The following FAM81B variants were observed in gnomAD, a reference collection of about 807,000 sequenced individuals.
FAM81B encodes the protein protein FAM81B.
Under a neutral mutation model 58.7 loss-of-function variants are expected in FAM81B, and 60 were observed. The ratio of observed to expected loss-of-function variants is 1.02; its 90% CI spans 0.83 to 1.27. The LOEUF is 1.27. Ranked by LOEUF, FAM81B falls within the 50% of genes most tolerant of loss-of-function variation. FAM81B has a pLI of 0.00. For missense variants in FAM81B, 491 were observed against 522.0 expected, an observed-to-expected ratio of 0.94 and a Z score of 0.58; for synonymous variants, 189 against 179.6, an observed-to-expected ratio of 1.05 and a Z score of -0.42.
intron 4 of FAM81B, among the ~76,000 whole-genome samples, chr5:95,414,685 G>A (rs1762492195): frequency 6.6e-6 from 1 of 152,116 alleles, no homozygotes; most frequent in Admixed American, 6.5e-5. Context: ...TGGGGTCTTT[G>A]CACTCATAAT....
chr5:95,408,111 A>T (rs1762312521), intron 3 of FAM81B, among the ~76,000 whole-genome samples: 1 of 142,636 alleles, frequency 7.0e-6, no homozygotes, highest in South Asian at 2.3e-4. Context: ...AGAGAGAGAG[A>T]GGAGGGAAGG....
intron 7 of FAM81B, chr5:95,440,097 A>G (rs1033173976): frequency 1.1e-5 from 6 of 531,054 alleles, no homozygotes; most frequent in Non-Finnish European, 2.2e-5. Context: ...ACAAGATTGA[A>G]GACAGCTAAT....
At chr5:95,430,009 T>A (rs1744805875) in intron 6 of FAM81B, among the ~76,000 whole-genome samples, 1 of 152,168 alleles carries the variant, frequency 6.6e-6, no homozygotes, top group South Asian at 2.1e-4. Context: ...TTCTTTGGCC[T>A]TCTAATGTGT....
At chr5:95,416,769 A>T (rs1391013972) in intron 4 of FAM81B, among the ~76,000 whole-genome samples, 1 of 152,172 alleles carries the variant, frequency 6.6e-6, no homozygotes, top group East Asian at 1.9e-4. Flanking sequence ...TGATTTGCTT[A>T]ATTATTGTCC....
At chr5:95,449,133 A>G (rs1483001865) in intron 9 of FAM81B, among the ~76,000 whole-genome samples, 3 of 152,192 alleles carry the variant, frequency 2.0e-5, no homozygotes, top group Non-Finnish European at 4.4e-5. Context: ...GAAAGTCCCA[A>G]GTAATTTTTT....
chr5:95,394,792 A>G (rs553919330), intron 2 of FAM81B, among the ~76,000 whole-genome samples: 1 of 152,276 alleles, frequency 6.6e-6, no homozygotes, highest in Admixed American at 6.5e-5. Flanking sequence ...GGGTCAGGAG[A>G]GACTTTGTCA....
chr5:95,400,263 TG>T (rs1480290051), intron 3 of FAM81B, among the ~76,000 whole-genome samples: 5 of 152,184 alleles, frequency 3.3e-5, no homozygotes, highest in African/African-American at 1.2e-4. Flanking sequence ...AAGGGGAACC[TG>T]TTCCTTGTCT....
intron 6 of FAM81B, 90 bp from the exon 7 acceptor site, chr5:95,436,710 T>G: frequency 1.2e-6 from 1 of 850,672 alleles, no homozygotes; most frequent in African/African-American, 1.7e-5. Context: ...TATATTAATC[T>G]GTTTCCCGGC....
chr5:95,431,391 G>T (rs1744884055), intron 6 of FAM81B, among the ~76,000 whole-genome samples: 1 of 151,878 alleles, frequency 6.6e-6, no homozygotes, highest in Admixed American at 6.6e-5. Flanking sequence ...TTTTATATCT[G>T]GTAGGGCTAG....
intron 4 of FAM81B, among the ~76,000 whole-genome samples, chr5:95,419,179 A>G (rs1186552869): frequency 5.3e-5 from 8 of 152,198 alleles, no homozygotes; most frequent in East Asian, 3.8e-4. Flanking sequence ...TACATCTTCA[A>G]TTAAGGCTTC....
At chr5:95,423,547 TAAA>T (rs70978187) in intron 5 of FAM81B, among the ~76,000 whole-genome samples, 41 of 123,466 alleles carry the variant, frequency 3.3e-4, no homozygotes, top group Non-Finnish European at 4.4e-4. Flanking sequence ...TGCATGTGGG[TAAA>T]AAAAAAAAAA....
chr5:95,430,383 GTA>G lies in FAM81B; in HGVS notation c.786+1662_786+1663del, dbSNP rs34262078. Among the ~76,000 whole-genome samples, 5 of 147,530 alleles carry G rather than the reference GTA, an allele frequency of 3.4e-5. No homozygotes were observed. The South Asian group carries it at 6.3e-4, about 19-fold the overall frequency. On this transcript the variant is annotated intron_variant, in intron 6 of 9. Coordinates refer to ENST00000283357, the MANE Select transcript of FAM81B (RefSeq NM_152548.3). ...TCCCCCTTTATTGCACAAAAATAGTGTATATATATATAGTATATGTAAATAAA... is the reference window on the plus strand; with the variant it reads ...TCCCCCTTTATTGCACAAAAATAGTGTATATATATAGTATATGTAAATAAA...
At chr5:95,442,478 C>T (rs1255418407) in intron 7 of FAM81B, among the ~76,000 whole-genome samples, 1 of 152,098 alleles carries the variant, frequency 6.6e-6, no homozygotes, top group Admixed American at 6.5e-5. Context: ...GATTAATTTG[C>T]CCAAAATCAC....
At chr5:95,437,377 G>A (rs969992596) in intron 7 of FAM81B, among the ~76,000 whole-genome samples, 11 of 151,876 alleles carry the variant, frequency 7.2e-5, no homozygotes, top group African/African-American at 1.2e-4. Flanking sequence ...ACGGAGTCTC[G>A]CTCTGTCGCC....
At chr5:95,435,666 A>C (rs1745071234) in intron 6 of FAM81B, among the ~76,000 whole-genome samples, 1 of 152,164 alleles carries the variant, frequency 6.6e-6, no homozygotes, top group South Asian at 2.1e-4. Context: ...AAATATTCAC[A>C]GCTCTCTACT....
At chr5:95,422,640 G>T (rs151108883) in intron 5 of FAM81B, among the ~76,000 whole-genome samples, 28 of 152,294 alleles carry the variant, frequency 1.8e-4, no homozygotes, top group Admixed American at 1.8e-3. Flanking sequence ...ACGCCACCAT[G>T]ACTGGCTAAT....
At chr5:95,427,904 C>G (rs1762891607) in intron 5 of FAM81B, among the ~76,000 whole-genome samples, 2 of 152,138 alleles carry the variant, frequency 1.3e-5, no homozygotes, top group Admixed American at 6.5e-5. Context: ...TCCTAACATA[C>G]TGGGAAGATA....
chr5:95,420,451 T>C, intron 5 of FAM81B, 49 bp downstream of exon 5: 1 of 1,606,610 alleles, frequency 6.2e-7, no homozygotes, highest in Non-Finnish European at 8.5e-7. Context: ...TCTTGGCCAG[T>C]GAATTCGCAT....
At chr5:95,445,903 G>A (rs534555321) in intron 7 of FAM81B, among the ~76,000 whole-genome samples, 140 of 152,112 alleles carry the variant, frequency 9.2e-4, no homozygotes, top group African/African-American at 3.2e-3. Flanking sequence ...GCCACATACC[G>A]GCACTTAGCA....
Sources: gnomAD v4.1 joint callset for allele counts (sites outside exome capture counted in the v4.1 genomes callset) on GRCh38, gnomAD v4.1.1 for gene constraint, MANE v1.5 for transcripts, NCBI Gene and HGNC (gene_info 2026-07-23, HGNC 2026-07-21) for gene names.